The following NFIA variants were observed in gnomAD, a reference collection of about 807,000 sequenced individuals.
NFIA encodes the protein nuclear factor I A.
In NFIA, 8 loss-of-function variants were observed where a neutral mutation model predicts 62.8. The observed-to-expected ratio is 0.13, with a 90% CI of 0.07 to 0.23. NFIA has a LOEUF of 0.23. NFIA is among the 10% of genes least tolerant of loss of function. NFIA has a pLI of 1.00. For synonymous variants in NFIA, 235 were observed against 238.1 expected (o/e 0.99, Z 0.12); for missense variants, 410 against 642.1 (o/e 0.64, Z 3.91).
At chr1:61,402,879 G>T (rs2100519076) in intron 7 of NFIA, among the ~76,000 whole-genome samples, 1 of 152,316 alleles carries the variant, frequency 6.6e-6, no homozygotes, top group Non-Finnish European at 1.5e-5. Flanking sequence ...TCATTAGTCA[G>T]AAAGTGCCCC....
chr1:61,359,161 T>C lies in NFIA; in HGVS notation c.833T>C (p.Leu278Pro), dbSNP rs1292860066. ...STSSTSSTKR[L>P]KSVEDEMDSP... is the part of the protein sequence containing the mutation. ...TGTTATTTCAGCTCCACAAAGCGCC[T>C]CAAGTCTGTGGAGGATGAAATGGAC... The change falls in exon 6 of 11, where the codon CTC becomes CCC. Residue 278 changes from leucine to proline, a missense_variant. Coordinates refer to ENST00000403491, the MANE Select transcript of NFIA (RefSeq NM_001134673.4). The C allele has an allele frequency of 1.2e-6, 2 of 1,613,280 alleles. No individual in the cohort carries two copies. Among genetic ancestry groups the C allele is most frequent in the Admixed American group, 1.7e-5 (1 of 59,994 alleles).
At chr1:61,410,079 C>T (rs962803217) in intron 9 of NFIA, among the ~76,000 whole-genome samples, 3 of 152,094 alleles carry the variant, frequency 2.0e-5, no homozygotes, top group Non-Finnish European at 4.4e-5. Context: ...TGGATCCCTG[C>T]TCTCAAGAAA....
intron 2 of NFIA, among the ~76,000 whole-genome samples, chr1:61,207,378 C>T (rs1652967449): frequency 6.6e-6 from 1 of 152,188 alleles, no homozygotes; most frequent in Non-Finnish European, 1.5e-5. Context: ...AACAAGACCA[C>T]AAGCCAACTT....
At chr1:61,444,668 TTTC>T (rs1285987687) in intron 10 of NFIA, among the ~76,000 whole-genome samples, 23 of 152,218 alleles carry the variant, frequency 1.5e-4, no homozygotes, top group Admixed American at 1.4e-3. Flanking sequence ...TCTTAAAGTA[TTTC>T]TTAATTGAAC....
At chr1:61,159,763 C>G (rs1488480591) in intron 2 of NFIA, among the ~76,000 whole-genome samples, 1 of 148,848 alleles carries the variant, frequency 6.7e-6, no homozygotes, top group Non-Finnish European at 1.5e-5. Flanking sequence ...CTCATTGCAA[C>G]CTCTGCCTCC....
chr1:61,135,609 G>A (rs1476519794), intron 2 of NFIA, among the ~76,000 whole-genome samples: 1 of 152,172 alleles, frequency 6.6e-6, no homozygotes, highest in Non-Finnish European at 1.5e-5. Flanking sequence ...GTCTCCCTGT[G>A]TTGTGTGGGC....
At chr1:61,422,746 TAAAA>T (rs55752729) in intron 9 of NFIA, among the ~76,000 whole-genome samples, 1 of 135,616 alleles carries the variant, frequency 7.4e-6, no homozygotes, top group Admixed American at 7.4e-5. Flanking sequence ...CGTCTCTATT[TAAAA>T]AAAAAAAAAA....
intron 2 of NFIA, among the ~76,000 whole-genome samples, chr1:61,220,470 G>A (rs1557645000): frequency 1.3e-5 from 2 of 152,078 alleles, no homozygotes; most frequent in South Asian, 4.1e-4. Context: ...GTGGCAATGC[G>A]GTATTTAGAC....
At chr1:61,247,878 A>G (rs1235797598) in intron 2 of NFIA, among the ~76,000 whole-genome samples, 2 of 152,198 alleles carry the variant, frequency 1.3e-5, no homozygotes, top group Non-Finnish European at 2.9e-5. Flanking sequence ...AAATGAGAGA[A>G]TAAGTATTCT....
chr1:61,359,427 C>T (rs965072290), intron 6 of NFIA, among the ~76,000 whole-genome samples, 153 bp downstream of exon 6: 1 of 152,194 alleles, frequency 6.6e-6, no homozygotes, highest in Non-Finnish European at 1.5e-5. Flanking sequence ...CTGATTGCCA[C>T]ATTCATAAAA....
At chr1:61,444,194 A>C (rs1022045519) in intron 10 of NFIA, among the ~76,000 whole-genome samples, 1 of 152,264 alleles carries the variant, frequency 6.6e-6, no homozygotes, top group Non-Finnish European at 1.5e-5. Context: ...AGTCATGGCC[A>C]TGAGATTCTA....
At chr1:61,133,784 G>C (rs1459104204) in intron 2 of NFIA, among the ~76,000 whole-genome samples, 2 of 152,160 alleles carry the variant, frequency 1.3e-5, no homozygotes, top group Non-Finnish European at 2.9e-5. Flanking sequence ...AGTGGGCTAC[G>C]ATTGTGCCTG....
intron 2 of NFIA, among the ~76,000 whole-genome samples, chr1:61,187,232 C>A (rs980631986): frequency 6.6e-6 from 1 of 151,994 alleles, no homozygotes; most frequent in Non-Finnish European, 1.5e-5. Flanking sequence ...ATTATTATGC[C>A]ATATTGAAAT....
chr1:61,325,166 C>A (rs1257636916), intron 3 of NFIA, among the ~76,000 whole-genome samples: 1 of 152,094 alleles, frequency 6.6e-6, no homozygotes. Context: ...ATCTTGGGAC[C>A]TTTTGGGAGT....
chr1:61,327,433 T>C lies in NFIA; in HGVS notation c.626-5079T>C, dbSNP rs1157116970. On this transcript the variant is annotated intron_variant, in intron 3 of 10. Transcript: ENST00000403491. Reference sequence around the variant, plus strand: ...CTACACAGCCGCCCCCTCCTGAGTCTCTGCGGTCCATTATATCACTCTGTA... The same window carrying C: ...CTACACAGCCGCCCCCTCCTGAGTCCCTGCGGTCCATTATATCACTCTGTA... 2.0e-5 allele frequency among the ~76,000 whole-genome samples: 3 copies of C among 151,944 alleles called. No homozygotes were observed. In the East Asian group the frequency reaches 5.8e-4, roughly 29 times the overall value.
chr1:61,300,100 T>A (rs570581935), intron 3 of NFIA, among the ~76,000 whole-genome samples: 62 of 152,152 alleles, frequency 4.1e-4, no homozygotes, highest in East Asian at 5.8e-4. Context: ...TTAAAAAAAA[T>A]TTTTTTAACT....
intron 2 of NFIA, among the ~76,000 whole-genome samples, chr1:61,112,232 T>A (rs1056543492): frequency 6.6e-6 from 1 of 152,238 alleles, no homozygotes; most frequent in South Asian, 2.1e-4. Context: ...ATTTTCTTAA[T>A]AATATATTTC....
chr1:61,414,691 AG>A (rs913338240), intron 9 of NFIA, among the ~76,000 whole-genome samples: 11 of 152,176 alleles, frequency 7.2e-5, no homozygotes, highest in Admixed American at 2.0e-4. Flanking sequence ...GGGAAATATA[AG>A]GACTGTGTTT....
chr1:61,433,958 G>A (rs1667218214), intron 10 of NFIA, among the ~76,000 whole-genome samples: 1 of 152,164 alleles, frequency 6.6e-6, no homozygotes, highest in Admixed American at 6.5e-5. Context: ...CAACCGTCTA[G>A]CAAATTAGGA....
Sources: allele counts gnomAD v4.1 joint callset (sites outside exome capture counted in the v4.1 genomes callset), GRCh38; gene constraint gnomAD v4.1.1; transcripts MANE v1.5; gene names NCBI Gene and HGNC (gene_info 2026-07-23, HGNC 2026-07-21).